RBFOX1: variants seen among roughly 807,000 people sequenced by gnomAD.
The protein encoded by RBFOX1 is RNA binding fox-1 homolog 1, also known as RNA binding protein fox-1 homolog 1.
A neutral mutation model predicts 57.7 loss-of-function variants in RBFOX1; 8 were observed. That is an observed-to-expected ratio of 0.14 (90% CI 0.08 to 0.25). The LOEUF (loss-of-function observed/expected upper bound fraction) is 0.25. Ranked by LOEUF, RBFOX1 falls within the 10% of genes least tolerant of loss-of-function variation. RBFOX1 has a pLI of 1.00. For synonymous variants in RBFOX1, 326 were observed against 222.4 expected, an observed-to-expected ratio of 1.47 and a Z score of -4.15; for missense variants, 611 against 548.5, an observed-to-expected ratio of 1.11 and a Z score of -1.14.
At chr16:7,245,479 A>T (rs1444364472) in intron 4 of RBFOX1, among the ~76,000 whole-genome samples, 1 of 152,168 alleles carries the variant, frequency 6.6e-6, no homozygotes. Context: ...TGGGGGTGTT[A>T]TCTGGTCTTC....
chr16:6,727,964 T>G (rs1312855507), intron 3 of RBFOX1, among the ~76,000 whole-genome samples: 1 of 152,132 alleles, frequency 6.6e-6, no homozygotes, highest in Non-Finnish European at 1.5e-5. Context: ...GGGAAGAAAA[T>G]TATTTTGGTC....
intron 1 of RBFOX1, among the ~76,000 whole-genome samples, chr16:6,277,994 C>G (rs1038273193): frequency 6.6e-6 from 1 of 152,122 alleles, no homozygotes; most frequent in Non-Finnish European, 1.5e-5. Context: ...TGAGGTTCCG[C>G]TTCTCCTTGA....
intron 4 of RBFOX1, among the ~76,000 whole-genome samples, chr16:7,311,905 C>G (rs1398750455): frequency 6.6e-6 from 1 of 152,174 alleles, no homozygotes; most frequent in Non-Finnish European, 1.5e-5. Flanking sequence ...ATTAGCTGAT[C>G]CAGCTGAATT....
At chr16:6,922,279 A>G (rs542592012) in intron 3 of RBFOX1, among the ~76,000 whole-genome samples, 3 of 152,074 alleles carry the variant, frequency 2.0e-5, no homozygotes, top group Non-Finnish European at 4.4e-5. Context: ...ATAAACTGTA[A>G]CTTATTCAGA....
At chr16:7,530,307 T>C (rs144041213) in intron 5 of RBFOX1, among the ~76,000 whole-genome samples, 90 of 152,274 alleles carry the variant, frequency 5.9e-4, no homozygotes, top group Non-Finnish European at 1.1e-3. Context: ...TCCTGGATTC[T>C]ACAGCCATTT....
Position 6,901,242 on chromosome 16 carries a change from C to T in RBFOX1, c.-15-150815C>T, listed in dbSNP as rs114823774. 3.8e-3 allele frequency among the ~76,000 whole-genome samples: 574 copies of T among 152,256 alleles called. 3 individuals carry two copies. Among genetic ancestry groups the T allele is most frequent in the African/African-American group, 0.013 (534 of 41,558 alleles). On this transcript the variant is annotated intron_variant, in intron 3 of 15. Coordinates refer to ENST00000550418, the MANE Select transcript of RBFOX1 (RefSeq NM_018723.4). ...AAGAGAGGAAAGATCAGACTTCATT[C>T]CAGTGAGGACAGAATTGCTTGTTCA...
intron 2 of RBFOX1, among the ~76,000 whole-genome samples, chr16:5,540,491 A>C (rs1361596466): frequency 6.6e-6 from 1 of 152,156 alleles, no homozygotes; most frequent in Non-Finnish European, 1.5e-5. Flanking sequence ...AATATTACAC[A>C]TTTTTCTATG....
intron 2 of RBFOX1, among the ~76,000 whole-genome samples, chr16:6,451,194 A>G (rs900443078): frequency 6.6e-6 from 1 of 151,560 alleles, no homozygotes; most frequent in African/African-American, 2.4e-5. Context: ...TTATTCTTTT[A>G]TTTTTTTATT....
At chr16:5,989,867 CACACACACACACA>C (rs2060359539) in intron 4 of RBFOX1, among the ~76,000 whole-genome samples, 2 of 115,566 alleles carry the variant, frequency 1.7e-5, no homozygotes, top group African/African-American at 6.0e-5. Context: ...CACACACACA[CACACACACACACA>C]CCACCCCTGT....
intron 4 of RBFOX1, among the ~76,000 whole-genome samples, chr16:7,110,360 CTT>C (rs755156809): frequency 2.6e-5 from 4 of 151,026 alleles, no homozygotes; most frequent in Non-Finnish European, 4.4e-5. Flanking sequence ...GATCCTGACT[CTT>C]AAAAAAAAGA....
At chr16:6,328,056 A>G (rs866249401) in intron 2 of RBFOX1, among the ~76,000 whole-genome samples, 2 of 152,214 alleles carry the variant, frequency 1.3e-5, no homozygotes, top group African/African-American at 2.4e-5. Context: ...CCATCAATCA[A>G]TGAGTGGACA....
intron 4 of RBFOX1, among the ~76,000 whole-genome samples, chr16:7,395,941 A>C (rs1417533866): frequency 7.9e-5 from 12 of 152,200 alleles, no homozygotes; most frequent in Admixed American, 6.5e-4. Context: ...GTCGCAAAAT[A>C]CACACCTAAA....
chr16:6,787,148 G>C (rs985542686), intron 3 of RBFOX1, among the ~76,000 whole-genome samples: 1 of 152,172 alleles, frequency 6.6e-6, no homozygotes, highest in Non-Finnish European at 1.5e-5. Context: ...TCCAAGAAAC[G>C]TTGATGAAAC....
chr16:6,020,586 G>A (rs2095051994), intron 1 of RBFOX1, among the ~76,000 whole-genome samples: 1 of 152,168 alleles, frequency 6.6e-6, no homozygotes, highest in Admixed American at 6.5e-5. Flanking sequence ...CGGGAAACCT[G>A]CGAATGGGAA....
At chr16:6,832,460 G>C (rs1004447679) in intron 3 of RBFOX1, among the ~76,000 whole-genome samples, 6 of 152,166 alleles carry the variant, frequency 3.9e-5, no homozygotes, top group Non-Finnish European at 7.4e-5. Flanking sequence ...CCAAAACCCA[G>C]CAGTGGTTGA....
chr16:5,843,232 C>T lies in RBFOX1; in HGVS notation c.319-24071C>T, dbSNP rs533932466. ...GGGTTTGTTTTACAGATTATTTCAT[C>T]GCCAAGGTACTAAGCCTCGGACCCA... is the stretch of plus-strand genomic sequence containing the variant. On this transcript the variant is annotated intron_variant, in intron 3 of 19. Coordinates refer to the RBFOX1 transcript ENST00000641259. Among the ~76,000 whole-genome samples the T allele has an allele frequency of 1.5e-3, 221 of 152,278 alleles. 4 individuals are homozygous for T. In the South Asian group the frequency reaches 0.043, roughly 30 times the overall value.
At chr16:6,621,381 G>A (rs916108506) in intron 2 of RBFOX1, among the ~76,000 whole-genome samples, 4 of 152,118 alleles carry the variant, frequency 2.6e-5, no homozygotes, top group African/African-American at 7.2e-5. Flanking sequence ...GGAGAATGGC[G>A]TGAACCCGGG....
chr16:6,176,428 G>C (rs1296660566), intron 1 of RBFOX1, among the ~76,000 whole-genome samples: 2 of 151,438 alleles, frequency 1.3e-5, no homozygotes, highest in East Asian at 3.9e-4. Context: ...CAAAGTGCTG[G>C]GATTACAGGC....
rs111581842 is a variant in RBFOX1 at position 7,410,630 on chromosome 16, T to G, written c.28-107517T>G. 3.9e-5 allele frequency among the ~76,000 whole-genome samples: 6 copies of G among 152,174 alleles called. No individual in the cohort carries two copies. In the East Asian group the frequency reaches 1.2e-3, roughly 29 times the overall value. Reference sequence around the variant, plus strand: ...AGGCAGAGGTTGCAGTGAGCCAAGATTGTGCCATTGCACTCCAGCCTGGAC... The same window carrying G: ...AGGCAGAGGTTGCAGTGAGCCAAGAGTGTGCCATTGCACTCCAGCCTGGAC... On this transcript the variant is annotated intron_variant, in intron 4 of 15. Coordinates refer to ENST00000550418, the MANE Select transcript of RBFOX1 (RefSeq NM_018723.4).
Sources: gnomAD v4.1 joint callset for allele counts (sites outside exome capture counted in the v4.1 genomes callset) on GRCh38, gnomAD v4.1.1 for gene constraint, MANE v1.5 for transcripts, NCBI Gene and HGNC (gene_info 2026-07-23, HGNC 2026-07-21) for gene names.